Variants in TOP2B observed in about 807,000 individuals in gnomAD.
The protein encoded by TOP2B is DNA topoisomerase 2-beta.
A neutral mutation model predicts 193.5 loss-of-function variants in TOP2B; 51 were observed. The ratio of observed to expected loss-of-function variants is 0.26; its 90% confidence interval spans 0.21 to 0.33. The LOEUF is 0.33. Ranked by LOEUF, TOP2B falls within the 10% of genes least tolerant of loss-of-function variation. The pLI is 1.00. For synonymous variants in TOP2B, 634 were observed against 635.7 expected, an observed-to-expected ratio of 1.00 and a Z score of 0.04; for missense variants, 1,378 against 1,909.3, an observed-to-expected ratio of 0.72 and a Z score of 5.19.
At chr3:25,633,425 T>C (rs1176970738) in intron 8 of TOP2B, among the ~76,000 whole-genome samples, 1 of 152,112 alleles carries the variant, frequency 6.6e-6, no homozygotes, top group Non-Finnish European at 1.5e-5. Flanking sequence ...ACCTCAAATG[T>C]ATTCACCAAC....
At chr3:25,607,586 C>A (rs1702266559) in intron 30 of TOP2B, among the ~76,000 whole-genome samples, 1 of 152,150 alleles carries the variant, frequency 6.6e-6, no homozygotes, top group South Asian at 2.1e-4. Flanking sequence ...CAGGAGGCTA[C>A]CACATAATAC....
chr3:25,606,190 A>C (rs1702233189), intron 31 of TOP2B, 68 bp from the exon 32 acceptor site: 3 of 724,952 alleles, frequency 4.1e-6, no homozygotes, highest in Admixed American at 6.6e-5. Context: ...CTGATAAATT[A>C]TATATAATAT....
chr3:25,650,843 A>G (rs188290247), intron 1 of TOP2B, among the ~76,000 whole-genome samples: 6 of 152,342 alleles, frequency 3.9e-5, no homozygotes, highest in Admixed American at 3.3e-4. Context: ...TTGGCCCTGT[A>G]AACATATTGT....
chr3:25,662,644 A>G (rs1158695572), intron 1 of TOP2B, among the ~76,000 whole-genome samples: 1 of 152,204 alleles, frequency 6.6e-6, no homozygotes, highest in Non-Finnish European at 1.5e-5. Flanking sequence ...TGAGTTTCCT[A>G]TGGAGCTTGA....
At chr3:25,619,797 A>T in intron 23 of TOP2B, 65 bp downstream of exon 23, 1 of 1,252,780 alleles carries the variant, frequency 8.0e-7, no homozygotes, top group Non-Finnish European at 1.1e-6. Context: ...TCATGAAACC[A>T]ATTATAATAA....
intron 25 of TOP2B, among the ~76,000 whole-genome samples, chr3:25,616,431 T>C (rs1265195459): frequency 1.4e-5 from 2 of 147,396 alleles, no homozygotes; most frequent in African/African-American, 5.0e-5. Context: ...AAAAAAAAGC[T>C]TTATAATTAA....
At chr3:25,656,708 T>G (rs1189975538) in intron 1 of TOP2B, among the ~76,000 whole-genome samples, 1 of 152,144 alleles carries the variant, frequency 6.6e-6, no homozygotes, top group African/African-American at 2.4e-5. Flanking sequence ...AGAAAAAAAT[T>G]ATGCATAATA....
In TOP2B at chr3:25,601,114, GTCT is replaced by G. The variant is rs754343775; in HGVS notation, c.4598_4600del (p.Lys1533del). The G allele has an allele frequency of 2.5e-6, 4 of 1,613,492 alleles. No homozygotes were observed. Among genetic ancestry groups the G allele is most frequent in the East Asian group, 2.2e-5 (1 of 44,874 alleles). On this transcript the variant is annotated inframe_deletion, in exon 34 of 36. Transcript: ENST00000264331. ...ATAATCCTCACCTTTTGGTGTTGTA[GTCT>G]TCTTTGGAATGCCAAATTCTGAATC...
intron 16 of TOP2B, 129 bp from the exon 17 acceptor site, chr3:25,626,993 AT>A: frequency 1.4e-6 from 1 of 721,632 alleles, no homozygotes; most frequent in Non-Finnish European, 2.2e-6. Flanking sequence ...CAATATTTTA[AT>A]CAAAAACACA....
chr3:25,601,920 T>G (rs1193295868), intron 33 of TOP2B, among the ~76,000 whole-genome samples: 2 of 152,172 alleles, frequency 1.3e-5, no homozygotes, highest in African/African-American at 4.8e-5. Context: ...TATGGGATCC[T>G]CGAATACAAT....
intron 1 of TOP2B, among the ~76,000 whole-genome samples, chr3:25,648,242 C>T (rs191921316): frequency 5.3e-5 from 8 of 152,176 alleles, no homozygotes; most frequent in African/African-American, 1.9e-4. Flanking sequence ...GAAACAGACA[C>T]AAGGTGGAGC....
chr3:25,663,261 C>CA (rs1443702334), intron 1 of TOP2B, among the ~76,000 whole-genome samples: 1 of 152,104 alleles, frequency 6.6e-6, no homozygotes, highest in African/African-American at 2.4e-5. Flanking sequence ...AACTAAGTAA[C>CA]AAAAATGCCT....
At chr3:25,636,631 ATAAAC>A (rs1421900068) in intron 6 of TOP2B, among the ~76,000 whole-genome samples, 1 of 152,072 alleles carries the variant, frequency 6.6e-6, no homozygotes, top group Admixed American at 6.6e-5. Context: ...CATGTTAAAA[ATAAAC>A]TAAACTGTAC....
At chr3:25,622,173 GCA>G (rs763089140) in intron 21 of TOP2B, among the ~76,000 whole-genome samples, 10 of 152,008 alleles carry the variant, frequency 6.6e-5, no homozygotes, top group Middle Eastern at 3.2e-3. Context: ...TCACCACTTA[GCA>G]CAGTTTCATA....
chr3:25,599,147 ATATTT>A (rs1295379601), intron 35 of TOP2B, among the ~76,000 whole-genome samples: 3 of 152,196 alleles, frequency 2.0e-5, no homozygotes, highest in African/African-American at 7.2e-5. Context: ...CTGAAAAATA[ATATTT>A]TAGTCTGAAA....
chr3:25,655,228 G>A (rs899400173), intron 1 of TOP2B, among the ~76,000 whole-genome samples: 6 of 152,086 alleles, frequency 3.9e-5, no homozygotes, highest in African/African-American at 1.2e-4. Context: ...AATGGATAAA[G>A]GATTTCAATA....
At position 25,632,588 on chromosome 3, in the gene TOP2B, T is replaced by G; in HGVS notation, c.1129-5A>C. 1 of 1,600,730 alleles carries G rather than the reference T, an allele frequency of 6.2e-7. No homozygotes were observed. The highest frequency in any genetic ancestry group is 8.5e-7 in the Non-Finnish European group (1 of 1,176,494). On this transcript the variant is annotated splice_polypyrimidine_tract_variant and splice_region_variant and intron_variant, in intron 9 of 35. Transcript: ENST00000264331. ...AACCCATATATGGTTTTTTACCTGT[T>G]GAAAACATACCCAAAAAAGTCAATA...
At chr3:25,659,085 C>T (rs1703834758) in intron 1 of TOP2B, among the ~76,000 whole-genome samples, 1 of 152,174 alleles carries the variant, frequency 6.6e-6, no homozygotes, top group African/African-American at 2.4e-5. Context: ...AGCAACGAGC[C>T]CCTTCTTTTA....
At chr3:25,623,094 A>G (rs1249708123) in intron 21 of TOP2B, among the ~76,000 whole-genome samples, 1 of 152,206 alleles carries the variant, frequency 6.6e-6, no homozygotes, top group Admixed American at 6.5e-5. Context: ...ATATATTAAA[A>G]TATATACAAG....
Sources: gnomAD v4.1 joint callset for allele counts (sites outside exome capture counted in the v4.1 genomes callset) on GRCh38, gnomAD v4.1.1 for gene constraint, MANE v1.5 for transcripts, NCBI Gene and HGNC (gene_info 2026-07-23, HGNC 2026-07-21) for gene names.